ABCB11: variants seen among roughly 807,000 people sequenced by gnomAD.
ABCB11 encodes ATP binding cassette subfamily B member 11.
In ABCB11, 95 loss-of-function variants were observed where a neutral mutation model predicts 148.0. The observed-to-expected ratio is 0.64, with a 90% CI of 0.54 to 0.76. ABCB11 has a LOEUF of 0.76. Ranked by LOEUF, ABCB11 falls within the 30% of genes least tolerant of loss-of-function variation. ABCB11 has a pLI of 0.00. For missense variants in ABCB11, 1,523 were observed against 1,617.8 expected, an observed-to-expected ratio of 0.94 and a Z score of 1.01; for synonymous variants, 591 against 555.4, an observed-to-expected ratio of 1.06 and a Z score of -0.90.
Position 169,013,382 on chromosome 2 carries a change from G to A in ABCB11, c.279C>T (p.Tyr93=), listed in dbSNP as rs375137002. 143 of 1,613,764 alleles carry A rather than the reference G, an allele frequency of 8.9e-5. No individual in the cohort carries two copies. Among genetic ancestry groups the A allele is most frequent in the East Asian group, 6.9e-4 (31 of 44,870 alleles). The change falls in exon 5 of 28, where the codon TAC becomes TAT. Residue 93 remains tyrosine (Y), a synonymous_variant. Coordinates refer to ENST00000650372, the MANE Select transcript of ABCB11 (RefSeq NM_003742.4). The part of the protein sequence containing the change: ...FGTMTDVFID[Y]DVELQELQIP... The stretch of plus-strand genomic sequence containing the variant: ...TCTGGAGTTCTTGTAACTCAACGTC[G>A]TAGTCAATAAAAACATCTGTCATTG...
At chr2:169,004,409 C>A (rs114743436) in intron 5 of ABCB11, among the ~76,000 whole-genome samples, 3,520 of 152,060 alleles carry the variant, frequency 0.023, 132 homozygotes, top group African/African-American at 0.08. Flanking sequence ...AATTTGAAAC[C>A]CATGTCTTCA....
intron 10 of ABCB11, among the ~76,000 whole-genome samples, chr2:168,980,818 C>T (rs3770589): frequency 0.51 from 77,295 of 151,870 alleles, 20,086 homozygotes; most frequent in South Asian, 0.57. Context: ...TGATCATGCC[C>T]AGATGTTCCT....
Position 168,957,899 on chromosome 2 carries a change from G to A in ABCB11, c.2343+65C>T, listed in dbSNP as rs566386285. ...AGCTAAATACATGAAAACAAAGAGC[G>A]GACTTATCAAAATAATAAAATAAAA... On this transcript the variant is annotated intron_variant, in intron 19 of 27. Transcript: ENST00000650372. The A allele has an allele frequency of 7.0e-5, 92 of 1,322,464 alleles. No individual in the cohort carries two copies. The South Asian group carries it at 8.4e-4, about 12-fold the overall frequency. 81.9% of individuals were successfully genotyped at this position (1,322,464 alleles called of 1,614,324 possible). A position where few individuals can be genotyped will look rare whatever the true frequency, so the allele number is the denominator to read the frequency against.
chr2:168,995,610 T>C (rs1158420153), intron 6 of ABCB11, 128 bp from the exon 7 acceptor site: 7 of 980,518 alleles, frequency 7.1e-6, no homozygotes, highest in Non-Finnish European at 9.0e-6. Flanking sequence ...AAATGCCTCT[T>C]CTTGGGAACT....
intron 10 of ABCB11, among the ~76,000 whole-genome samples, chr2:168,983,579 T>C (rs1694207730): frequency 6.6e-6 from 1 of 152,218 alleles, no homozygotes; most frequent in South Asian, 2.1e-4. Flanking sequence ...GCTGCCAAGA[T>C]AAACTGAATT....
rs1481642042 is a variant in ABCB11 at position 168,973,711 on chromosome 2, C to T, written c.1434+4G>A. Reference sequence around the variant, plus strand: ...GTATTGAGGAGTTTCTGGAAGACACCCACCATTCCTTCACAGGGGTCATAG... The same window carrying T: ...GTATTGAGGAGTTTCTGGAAGACACTCACCATTCCTTCACAGGGGTCATAG... On this transcript the variant is annotated splice_donor_region_variant and intron_variant, in intron 13 of 27. Transcript: ENST00000650372. The T allele has an allele frequency of 4.3e-6, 7 of 1,611,104 alleles. No individual in the cohort carries two copies. Among genetic ancestry groups the T allele is most frequent in the Non-Finnish European group, 5.9e-6 (7 of 1,177,968 alleles).
At chr2:168,927,425 T>C (rs2105882674) in intron 25 of ABCB11, 63 bp from the exon 26 acceptor site, 2 of 1,368,806 alleles carry the variant, frequency 1.5e-6, no homozygotes, top group South Asian at 2.5e-5. Context: ...GGAAAGTTCA[T>C]ATTCTAGCAT....
In ABCB11 at chr2:169,007,239, TAATCAATGGGGAAAA is replaced by T. The variant is rs201215919; in HGVS notation, c.389+6018_389+6032del. On this transcript the variant is annotated intron_variant, in intron 5 of 27. Transcript: ENST00000650372. ...TTGATTTTGATAAGGATTCTGAGAT[TAATCAATGGGGAAAA>T]AATAGTTGTTCCACAAATGATGCTG... Among the ~76,000 whole-genome samples, 234 of 151,856 alleles carry T rather than the reference TAATCAATGGGGAAAA, an allele frequency of 1.5e-3. 4 individuals carry two copies. The East Asian group carries it at 0.041, about 27-fold the overall frequency.
chr2:168,975,712 TC>T (rs1693863846), intron 12 of ABCB11, among the ~76,000 whole-genome samples: 1 of 26,578 alleles, frequency 3.8e-5, no homozygotes, highest in Non-Finnish European at 9.2e-5. Flanking sequence ...GTTTACCTTC[TC>T]TCTGTATATA....
chr2:168,967,889 G>C (rs920722258), intron 17 of ABCB11, among the ~76,000 whole-genome samples: 1 of 151,764 alleles, frequency 6.6e-6, no homozygotes, highest in African/African-American at 2.4e-5. Flanking sequence ...TATTGATCCA[G>C]GGAAAAATAA....
At chr2:168,969,289 T>G in intron 16 of ABCB11, 61 bp downstream of exon 16, 1 of 1,460,166 alleles carries the variant, frequency 6.8e-7, no homozygotes, top group South Asian at 1.2e-5. Context: ...TAGAAAACCG[T>G]AAAGCACTAT....
intron 8 of ABCB11, among the ~76,000 whole-genome samples, chr2:168,993,053 T>C (rs1190789845): frequency 6.6e-6 from 1 of 151,996 alleles, no homozygotes; most frequent in Non-Finnish European, 1.5e-5. Flanking sequence ...CTATATGTTG[T>C]CCAGGCCTCA....
chr2:169,019,485 G>GCGTATACCAAAATTTT (rs1453710685), intron 1 of ABCB11, among the ~76,000 whole-genome samples: 18 of 152,102 alleles, frequency 1.2e-4, no homozygotes, highest in Admixed American at 5.9e-4. Context: ...ACCAAAATTT[G>GCGTATACCAAAATTTT]CATATACCAA....
chr2:168,973,691 G>A, intron 13 of ABCB11, 24 bp downstream of exon 13: 1 of 1,609,990 alleles, frequency 6.2e-7, no homozygotes, highest in East Asian at 2.2e-5. Context: ...CCCATGTATT[G>A]AGGAGTTTCT....
chr2:168,955,595 G>A (rs865884133), intron 19 of ABCB11, among the ~76,000 whole-genome samples: 3 of 151,652 alleles, frequency 2.0e-5, no homozygotes, highest in Middle Eastern at 3.4e-3. Context: ...AGTTTGACAC[G>A]AGATTTGGGT....
chr2:169,017,038 AG>A (rs1695383552), intron 2 of ABCB11, among the ~76,000 whole-genome samples: 1 of 150,228 alleles, frequency 6.7e-6, no homozygotes, highest in African/African-American at 2.5e-5. Context: ...ACACTCGTTT[AG>A]GGTCCAGGAG....
rs2105896885 is a variant in ABCB11, at chr2:168,935,341, G to T, written c.2899C>A (p.Leu967Met). ...RRFIEALETE[L>M]EKPFKTAIQK... ...ATGGCTGTCTTGAAGGGCTTCTCCA[G>T]CTCAGTCTCAAGTGCTTCAATGAAC... Residue 967 changes from leucine (L) to methionine (M), a missense_variant, in exon 23 of 28, where the codon CTG becomes ATG. Transcript: ENST00000650372. The T allele has an allele frequency of 6.2e-7, 1 of 1,614,032 alleles. No homozygotes were observed. Among genetic ancestry groups the T allele is most frequent in the African/African-American group, 1.3e-5 (1 of 75,062 alleles).
Position 168,924,775 on chromosome 2 carries a change from C to G in ABCB11, c.3647G>C (p.Gly1216Ala), listed in dbSNP as rs769192036. 24 of 1,609,200 alleles carry G rather than the reference C, an allele frequency of 1.5e-5. No homozygotes were observed. Among genetic ancestry groups the G allele is most frequent in the Non-Finnish European group, 2.0e-5 (23 of 1,178,524 alleles). Residue 1216 changes from glycine to alanine, a missense_variant, in exon 27 of 28, where the codon GGG becomes GCG. Coordinates refer to ENST00000650372, the MANE Select transcript of ABCB11 (RefSeq NM_003742.4). ...EKYETNVGSQGSQLSRGEKQR... is the reference protein window; with the variant it reads ...EKYETNVGSQASQLSRGEKQR... Reference sequence around the variant, plus strand: ...TTTCTCCCCTCTAGAGAGTTGAGACCCCTGGGACCCAACGTTAGTTTCATA... The same window carrying G: ...TTTCTCCCCTCTAGAGAGTTGAGACGCCTGGGACCCAACGTTAGTTTCATA...
intron 1 of ABCB11, among the ~76,000 whole-genome samples, chr2:169,026,202 C>A (rs1347180744): frequency 6.6e-6 from 1 of 152,148 alleles, no homozygotes; most frequent in Non-Finnish European, 1.5e-5. Context: ...GTGTGAGTAC[C>A]AGGCCAGCTA....
Sources: gnomAD v4.1 joint callset for allele counts (sites outside exome capture counted in the v4.1 genomes callset) on GRCh38, gnomAD v4.1.1 for gene constraint, MANE v1.5 for transcripts, NCBI Gene and HGNC (gene_info 2026-07-23, HGNC 2026-07-21) for gene names.